SCNN1G: variants seen among roughly 807,000 people sequenced by gnomAD.
The protein encoded by SCNN1G is sodium channel epithelial 1 subunit gamma, also known as epithelial sodium channel subunit gamma.
A neutral mutation model predicts 64.6 loss-of-function variants in SCNN1G; 27 were observed. That is an observed-to-expected ratio of 0.42 (90% CI 0.31 to 0.58). The LOEUF is 0.58. SCNN1G is among the 20% of genes least tolerant of loss of function. SCNN1G has a pLI of 0.18. For synonymous variants in SCNN1G, 330 were observed against 314.2 expected (o/e 1.05, Z -0.53); for missense variants, 743 against 823.4 (o/e 0.90, Z 1.19).
rs1218409129 is a variant in SCNN1G at position 23,186,270 on chromosome 16, C to T, written c.-2C>T. 4 of 1,614,124 alleles carry T rather than the reference C, an allele frequency of 2.5e-6. No homozygotes were observed. The highest frequency in any genetic ancestry group is 2.5e-6 in the Non-Finnish European group (3 of 1,180,038). ...TCCCGTCCTCAAAGTCCCATCCTCG[C>T]CATGGCACCCGGAGAGAAGATCAAA... On this transcript the variant is annotated 5_prime_UTR_variant, in exon 2 of 13. Coordinates refer to ENST00000300061, the MANE Select transcript of SCNN1G (RefSeq NM_001039.4).
chr16:23,192,261 G>A, intron 3 of SCNN1G, 91 bp from the exon 4 acceptor site: 3 of 1,031,756 alleles, frequency 2.9e-6, no homozygotes, highest in South Asian at 2.5e-5. Context: ...TGAGTATCTG[G>A]CCTGGAGTCT....
chr16:23,206,072 C>G (rs910359704), intron 6 of SCNN1G, among the ~76,000 whole-genome samples: 3 of 152,208 alleles, frequency 2.0e-5, no homozygotes, highest in Admixed American at 6.5e-5. Context: ...GGGAAACCAG[C>G]CTGCTTACCG....
In SCNN1G at chr16:23,214,768, T is replaced by A. The variant is rs144653364; in HGVS notation, c.1550T>A (p.Met517Lys). ...AAAGACCTGAACCAGAGATCCATCA[T>A]GGAGAGCCCAGCCAACAGTGTGAGT... ...FYKDLNQRSI[M>K]ESPANSIEML... The change falls in exon 12 of 13, where the codon ATG becomes AAG. Residue 517 changes from methionine (M) to lysine (K), a missense_variant. Physicochemically the swap from Met to Lys is moderately conservative, Grantham distance 95 (BLOSUM62 -1). Transcript: ENST00000300061. 156 of 1,614,008 alleles carry A rather than the reference T, an allele frequency of 9.7e-5. 1 individual carries two copies. In the Admixed American group the frequency reaches 2.5e-3, roughly 26 times the overall value.
chr16:23,197,027 T>C (rs1959806440), intron 5 of SCNN1G, among the ~76,000 whole-genome samples: 1 of 152,218 alleles, frequency 6.6e-6, no homozygotes, highest in Admixed American at 6.5e-5. Context: ...GCAAGAACTG[T>C]GACAGTAATA....
At chr16:23,212,376 C>T (rs964597803) in intron 8 of SCNN1G, among the ~76,000 whole-genome samples, 6 of 152,148 alleles carry the variant, frequency 3.9e-5, no homozygotes, top group African/African-American at 1.4e-4. Flanking sequence ...TGGATATTAC[C>T]TTTTCACAGA....
At chr16:23,187,671 A>T (rs1392118155) in intron 2 of SCNN1G, among the ~76,000 whole-genome samples, 1 of 152,236 alleles carries the variant, frequency 6.6e-6, no homozygotes, top group African/African-American at 2.4e-5. Flanking sequence ...AGCTGCCCCA[A>T]ACCCTCATCT....
intron 6 of SCNN1G, among the ~76,000 whole-genome samples, chr16:23,199,025 A>AT (rs57688091): frequency 2.0e-5 from 3 of 149,904 alleles, no homozygotes; most frequent in African/African-American, 4.9e-5. Flanking sequence ...CCCTGCCTCT[A>AT]TTTTTTTTTT....
intron 6 of SCNN1G, among the ~76,000 whole-genome samples, chr16:23,201,098 T>A (rs1387918032): frequency 6.6e-6 from 1 of 152,242 alleles, no homozygotes; most frequent in Middle Eastern, 3.2e-3. Context: ...AAGACTTTTT[T>A]AAGAGATAGC....
rs1382907750 is a variant in SCNN1G, at chr16:23,216,856, A to T, written c.*1387A>T. 6.6e-6 allele frequency: 1 copy of T among 152,206 alleles called. No individual in the cohort carries two copies. Among genetic ancestry groups the T allele is most frequent in the African/African-American group, 2.4e-5 (1 of 41,444 alleles). The allele number at this position is 152,206 out of a possible 1,614,324, so 9.4% of individuals were successfully genotyped here. A position where few individuals can be genotyped will look rare whatever the true frequency, so the allele number is the denominator to read the frequency against. On this transcript the variant is annotated 3_prime_UTR_variant, in exon 13 of 13. Transcript: ENST00000300061. ...TGAGATTCGAATTCCAGTGTCTATAAATAAAGTTTTATTGGTACACAGCCA... is the reference window on the plus strand; with the variant it reads ...TGAGATTCGAATTCCAGTGTCTATATATAAAGTTTTATTGGTACACAGCCA...
chr16:23,183,803 C>CCTG (rs1959560893), intron 1 of SCNN1G, among the ~76,000 whole-genome samples: 1 of 152,112 alleles, frequency 6.6e-6, no homozygotes, highest in Admixed American at 6.5e-5. Context: ...TGCTGCTTTC[C>CCTG]CTGCTGCTGT....
intron 6 of SCNN1G, among the ~76,000 whole-genome samples, 180 bp from the exon 7 acceptor site, chr16:23,209,570 G>A (rs1960045574): frequency 6.6e-6 from 1 of 152,172 alleles, no homozygotes; most frequent in African/African-American, 2.4e-5. Flanking sequence ...GCTGATTTCA[G>A]TGTCTACCAC....
intron 7 of SCNN1G, among the ~76,000 whole-genome samples, chr16:23,210,984 GC>G (rs1960069735): frequency 6.6e-6 from 1 of 152,126 alleles, no homozygotes; most frequent in Non-Finnish European, 1.5e-5. Context: ...CCTGCAGTGA[GC>G]CATGATCACA....
At chr16:23,209,138 C>G (rs1960039089) in intron 6 of SCNN1G, among the ~76,000 whole-genome samples, 1 of 152,072 alleles carries the variant, frequency 6.6e-6, no homozygotes, top group African/African-American at 2.4e-5. Context: ...ACTTCATCCT[C>G]TTTTTTAAAG....
rs769079157 is a variant in SCNN1G at position 23,215,179 on chromosome 16, T to G, written c.1660T>G (p.Phe554Val). 3.1e-6 allele frequency: 5 copies of G among 1,614,148 alleles called. No individual in the cohort carries two copies. Among genetic ancestry groups the G allele is most frequent in the Non-Finnish European group, 4.2e-6 (5 of 1,180,026 alleles). The change falls in exon 13 of 13, where the codon TTC (phenylalanine) becomes GTC (valine). Residue 554 changes from phenylalanine (F) to valine (V), a missense_variant. Physicochemically the swap from Phe to Val is conservative, Grantham distance 50. Coordinates refer to ENST00000300061, the MANE Select transcript of SCNN1G (RefSeq NM_001039.4). ...VCVIEIIEVFFIDFFSIIARR... is the reference protein window; with the variant it reads ...VCVIEIIEVFVIDFFSIIARR... ...CGTCATCGAGATCATCGAGGTCTTC[T>G]TCATTGACTTCTTCTCTATCATTGC...
chr16:23,186,594 A>C lies in SCNN1G; in HGVS notation c.317+6A>C. On this transcript the variant is annotated splice_donor_region_variant and intron_variant, in intron 2 of 12. Coordinates refer to ENST00000300061, the MANE Select transcript of SCNN1G (RefSeq NM_001039.4). Reference sequence around the variant, plus strand: ...TGCAACATCAACCCCTACAAGTAAGAGGCATGAGCAGGGAAACGCGAGTAG... The same window carrying C: ...TGCAACATCAACCCCTACAAGTAAGCGGCATGAGCAGGGAAACGCGAGTAG... 1 of 1,610,250 alleles carries C rather than the reference A, an allele frequency of 6.2e-7. No individual in the cohort carries two copies. Among genetic ancestry groups the C allele is most frequent in the Non-Finnish European group, 8.5e-7 (1 of 1,179,476 alleles).
At chr16:23,187,506 C>A (rs1429285753) in intron 2 of SCNN1G, among the ~76,000 whole-genome samples, 2 of 152,110 alleles carry the variant, frequency 1.3e-5, no homozygotes, top group Admixed American at 6.6e-5. Flanking sequence ...GAACTAACCC[C>A]CTCTGCACAC....
intron 5 of SCNN1G, among the ~76,000 whole-genome samples, chr16:23,197,031 A>G (rs1421911149): frequency 1.3e-5 from 2 of 152,228 alleles, no homozygotes; most frequent in Non-Finnish European, 2.9e-5. Flanking sequence ...GAACTGTGAC[A>G]GTAATACTGT....
At position 23,215,259 on chromosome 16, in the gene SCNN1G, A is replaced by G. The variant is rs879891625; in HGVS notation, c.1740A>G (p.Pro580=). Reference sequence around the variant, plus strand: ...GGTGGGCCTGGAAACAGGCTCCCCCATGTCCAGAAGCTCCCCGTAGCCCAC... The same window carrying G: ...GGTGGGCCTGGAAACAGGCTCCCCCGTGTCCAGAAGCTCCCCGTAGCCCAC... ...KEWWAWKQAP[P]CPEAPRSPQG... is the part of the protein sequence containing the mutation. Residue 580 remains proline (P), a synonymous_variant, in exon 13 of 13, where the codon CCA becomes CCG. Coordinates refer to ENST00000300061, the MANE Select transcript of SCNN1G (RefSeq NM_001039.4). 6.2e-7 allele frequency: 1 copy of G among 1,614,102 alleles called. No homozygotes were observed. Among genetic ancestry groups the G allele is most frequent in the South Asian group, 1.1e-5 (1 of 91,074 alleles).
At chr16:23,192,605 T>G (rs1286220196) in intron 4 of SCNN1G, 63 bp downstream of exon 4, 2 of 1,350,962 alleles carry the variant, frequency 1.5e-6, no homozygotes, top group Non-Finnish European at 2.1e-6. Context: ...CCAGGCCCCT[T>G]GCAGGAACCT....
Sources: allele counts gnomAD v4.1 joint callset (sites outside exome capture counted in the v4.1 genomes callset), GRCh38; gene constraint gnomAD v4.1.1; transcripts MANE v1.5; gene names NCBI Gene and HGNC (gene_info 2026-07-23, HGNC 2026-07-21).